Variants in TSHZ2 observed in about 807,000 individuals in gnomAD.
TSHZ2 encodes the protein teashirt homolog 2.
TSHZ2 carries 21 observed loss-of-function variants against 74.4 expected under a neutral mutation model. The observed-to-expected ratio is 0.28, with a 90% confidence interval of 0.20 to 0.41. The LOEUF (loss-of-function observed/expected upper bound fraction) is 0.41. TSHZ2 is among the 10% of genes least tolerant of loss of function. The pLI, the probability that TSHZ2 is intolerant of heterozygous loss-of-function variation, is 1.00. For missense variants in TSHZ2, 1,244 were observed against 1,293.5 expected, an observed-to-expected ratio of 0.96 and a Z score of 0.59; for synonymous variants, 540 against 515.3, an observed-to-expected ratio of 1.05 and a Z score of -0.65.
intron 1 of TSHZ2, among the ~76,000 whole-genome samples, chr20:53,032,850 C>T (rs1983687850): frequency 1.3e-5 from 2 of 152,034 alleles, no homozygotes; most frequent in African/African-American, 2.4e-5. Flanking sequence ...CTGCCCTTAC[C>T]ACACTCCCAT....
chr20:53,468,938 G>GA (rs1223578280), intron 2 of TSHZ2, among the ~76,000 whole-genome samples: 1 of 149,248 alleles, frequency 6.7e-6, no homozygotes, highest in Non-Finnish European at 1.5e-5. Flanking sequence ...AGGGTCTGAT[G>GA]AAGTACCCCT....
chr20:53,306,886 T>G (rs1381082801), intron 2 of TSHZ2, among the ~76,000 whole-genome samples: 7 of 152,176 alleles, frequency 4.6e-5, no homozygotes, highest in Non-Finnish European at 8.8e-5. Flanking sequence ...ATAGCTGCCA[T>G]TAGTTGGACA....
intron 1 of TSHZ2, among the ~76,000 whole-genome samples, chr20:53,209,372 C>G (rs777018108): frequency 5.1e-4 from 77 of 152,216 alleles, no homozygotes; most frequent in Non-Finnish European, 5.1e-4. Context: ...CAGGCATGAG[C>G]CACTGTGCGC....
Position 53,014,757 on chromosome 20 carries a change from C to T in TSHZ2, c.40+41424C>T, listed in dbSNP as rs553861900. Among the ~76,000 whole-genome samples, 4 of 152,276 alleles carry T rather than the reference C, an allele frequency of 2.6e-5. No homozygotes were observed. The South Asian group carries it at 8.3e-4, about 32-fold the overall frequency. On this transcript the variant is annotated intron_variant, in intron 1 of 2. Coordinates refer to ENST00000371497, the MANE Select transcript of TSHZ2 (RefSeq NM_173485.6). Reference sequence around the variant, plus strand: ...TTAATATCTTTCAGTAGTCTGGGAACCTCTCAAGGTCAGGGACAGGGACTT... The same window carrying T: ...TTAATATCTTTCAGTAGTCTGGGAATCTCTCAAGGTCAGGGACAGGGACTT...
intron 1 of TSHZ2, among the ~76,000 whole-genome samples, chr20:53,055,390 T>C (rs1357615593): frequency 4.6e-5 from 7 of 152,346 alleles, no homozygotes; most frequent in African/African-American, 1.7e-4. Flanking sequence ...TGCCAGGATT[T>C]TGAAAACAAT....
intron 2 of TSHZ2, among the ~76,000 whole-genome samples, chr20:53,372,994 A>G (rs1336445391): frequency 6.6e-6 from 1 of 151,978 alleles, no homozygotes; most frequent in African/African-American, 2.4e-5. Flanking sequence ...TTTTCTAACC[A>G]CAGTTCTTTA....
chr20:53,276,562 G>A (rs995057244), intron 2 of TSHZ2, among the ~76,000 whole-genome samples: 1 of 152,182 alleles, frequency 6.6e-6, no homozygotes, highest in East Asian at 1.9e-4. Context: ...TCATCTATAA[G>A]ATGGGGATAA....
intron 2 of TSHZ2, among the ~76,000 whole-genome samples, chr20:53,406,936 C>T (rs1357194805): frequency 5.9e-5 from 9 of 152,094 alleles, no homozygotes. Flanking sequence ...TTCCTAATCC[C>T]TACATTTTGC....
At chr20:53,184,878 T>A (rs1988564126) in intron 1 of TSHZ2, among the ~76,000 whole-genome samples, 1 of 152,192 alleles carries the variant, frequency 6.6e-6, no homozygotes. Flanking sequence ...TTGTTAATTT[T>A]TATATTTTTA....
At chr20:53,354,496 C>T (rs912909801) in intron 2 of TSHZ2, among the ~76,000 whole-genome samples, 1 of 152,224 alleles carries the variant, frequency 6.6e-6, no homozygotes, top group African/African-American at 2.4e-5. Context: ...ATGACTCAAA[C>T]TGAGCCACTG....
At chr20:53,142,159 G>A (rs750432478) in intron 1 of TSHZ2, among the ~76,000 whole-genome samples, 6 of 152,230 alleles carry the variant, frequency 3.9e-5, no homozygotes, top group Non-Finnish European at 5.9e-5. Context: ...GGAGAAGAAA[G>A]ATAGTTAACT....
intron 1 of TSHZ2, among the ~76,000 whole-genome samples, chr20:53,213,326 A>G (rs1437521200): frequency 1.3e-5 from 2 of 152,110 alleles, no homozygotes; most frequent in Admixed American, 1.3e-4. Flanking sequence ...AAACATGACA[A>G]TTTGGAGTCT....
chr20:53,430,206 G>A (rs1294604837), intron 2 of TSHZ2, among the ~76,000 whole-genome samples: 1 of 152,150 alleles, frequency 6.6e-6, no homozygotes, highest in Non-Finnish European at 1.5e-5. Flanking sequence ...CAGGGTTGAA[G>A]CGATTCTCCT....
chr20:53,000,111 CAAGT>C (rs796082909), intron 1 of TSHZ2, among the ~76,000 whole-genome samples: 56 of 152,256 alleles, frequency 3.7e-4, no homozygotes, highest in African/African-American at 1.3e-3. Flanking sequence ...AGAGAAGGTT[CAAGT>C]AAGTATCAGA....
intron 1 of TSHZ2, among the ~76,000 whole-genome samples, chr20:52,975,492 C>G (rs936068059): frequency 3.3e-5 from 5 of 150,474 alleles, no homozygotes; most frequent in African/African-American, 9.9e-5. Context: ...TTGGTGCTGG[C>G]TAGTTTATTG....
chr20:53,457,899 G>C (rs1985170889), intron 2 of TSHZ2, among the ~76,000 whole-genome samples: 1 of 149,850 alleles, frequency 6.7e-6, no homozygotes, highest in Non-Finnish European at 1.5e-5. Flanking sequence ...TTGCATCCCA[G>C]GGATGAAGCC....
At chr20:53,416,614 A>G (rs935963052) in intron 2 of TSHZ2, among the ~76,000 whole-genome samples, 2 of 152,234 alleles carry the variant, frequency 1.3e-5, no homozygotes, top group African/African-American at 4.8e-5. Context: ...TTAGTTGAGT[A>G]CCTGTTACAG....
intron 1 of TSHZ2, among the ~76,000 whole-genome samples, chr20:53,111,774 C>A (rs1054269508): frequency 3.9e-5 from 6 of 152,184 alleles, no homozygotes; most frequent in African/African-American, 9.7e-5. Flanking sequence ...GACCCCAGAT[C>A]GAGCCAGGAA....
At chr20:52,996,091 C>T (rs908924367) in intron 1 of TSHZ2, among the ~76,000 whole-genome samples, 4 of 152,076 alleles carry the variant, frequency 2.6e-5, no homozygotes, top group African/African-American at 9.7e-5. Flanking sequence ...TGGAATAGCA[C>T]ATAGATGTCT....
Sources: allele counts gnomAD v4.1 joint callset (sites outside exome capture counted in the v4.1 genomes callset), GRCh38; gene constraint gnomAD v4.1.1; transcripts MANE v1.5; gene names NCBI Gene and HGNC (gene_info 2026-07-23, HGNC 2026-07-21).